IRAG2: variants seen among roughly 807,000 people sequenced by gnomAD.
IRAG2 encodes the protein inositol 1,4,5-triphosphate receptor associated 2.
Under a neutral mutation model 69.9 loss-of-function variants are expected in IRAG2, and 45 were observed. That is an observed-to-expected ratio of 0.64 (90% CI 0.51 to 0.83). The LOEUF (loss-of-function observed/expected upper bound fraction) is 0.83, where lower values mean the gene tolerates loss of function less well. Ranked by LOEUF, IRAG2 falls within the 40% of genes least tolerant of loss-of-function variation. The probability of loss-of-function intolerance (pLI) is 0.00; values close to 1 mark genes in which losing one functional copy is unlikely to be tolerated. For missense variants in IRAG2, 520 were observed against 587.0 expected, an observed-to-expected ratio of 0.89 and a Z score of 1.18; for synonymous variants, 193 against 202.4, an observed-to-expected ratio of 0.95 and a Z score of 0.40.
chr12:25,004,615 A>G, exon 1 of IRAG2: 1 of 1,232,094 alleles, frequency 8.1e-7, no homozygotes, highest in Non-Finnish European at 1.0e-6. Context: ...GCCTCAAATA[A>G]TATCTCCAAG....
intron 6 of IRAG2, among the ~76,000 whole-genome samples, chr12:25,072,598 G>A (rs1946409128): frequency 1.3e-5 from 2 of 152,162 alleles, no homozygotes; most frequent in South Asian, 4.1e-4. Flanking sequence ...TAAAATATAA[G>A]ATATAAATTA....
chr12:25,102,419 G>A, intron 17 of IRAG2, 178 bp downstream of exon 17: 1 of 589,836 alleles, frequency 1.7e-6, no homozygotes, highest in Non-Finnish European at 3.0e-6. Context: ...TATCAATTAA[G>A]TGTGCCTGGC....
At chr12:25,082,536 G>A (rs562171961) in intron 9 of IRAG2, among the ~76,000 whole-genome samples, 1 of 151,800 alleles carries the variant, frequency 6.6e-6, no homozygotes, top group East Asian at 1.9e-4. Context: ...GGAGGCGGAG[G>A]TTGCAGTGAG....
chr12:25,040,505 C>G (rs945667927), intron 16 of IRAG2, among the ~76,000 whole-genome samples: 2 of 148,392 alleles, frequency 1.3e-5, no homozygotes, highest in African/African-American at 2.5e-5. Flanking sequence ...GACACTGCCT[C>G]TTAAAAAAAA....
upstream of IRAG2, among the ~76,000 whole-genome samples, chr12:25,001,298 T>A (rs2139809172): frequency 6.6e-6 from 1 of 151,514 alleles, no homozygotes; most frequent in African/African-American, 2.4e-5. Context: ...TAAAAAAAAA[T>A]GCTAAGTGTG....
intron 16 of IRAG2, among the ~76,000 whole-genome samples, chr12:25,040,807 C>T (rs1247971252): frequency 6.6e-6 from 1 of 152,184 alleles, no homozygotes; most frequent in Non-Finnish European, 1.5e-5. Context: ...GATGTCCGCT[C>T]TTTGCCTGGC....
At chr12:25,027,127 C>G (rs1944628422) in intron 9 of IRAG2, among the ~76,000 whole-genome samples, 1 of 151,598 alleles carries the variant, frequency 6.6e-6, no homozygotes, top group Admixed American at 6.6e-5. Context: ...TTAGTACGTT[C>G]ACAGAGTTGT....
chr12:25,100,359 A>T (rs183366400), intron 15 of IRAG2, among the ~76,000 whole-genome samples: 8 of 152,284 alleles, frequency 5.3e-5, no homozygotes, highest in Admixed American at 2.6e-4. Context: ...TAAACATAGA[A>T]TTACCATATG....
upstream of IRAG2, chr12:25,004,195 G>A (rs699036): frequency 0.37 from 188,044 of 509,000 alleles, 37,131 homozygotes; most frequent in African/African-American, 0.6. Flanking sequence ...GAGAAACTGA[G>A]CATCTTGTCA....
At chr12:25,075,966 T>C (rs2291801) in intron 6 of IRAG2, among the ~76,000 whole-genome samples, 48,736 of 151,980 alleles carry the variant, frequency 0.32, 8,402 homozygotes, top group East Asian at 0.66. Context: ...TAAATAGAGG[T>C]GGCTTTAGAA....
intron 16 of IRAG2, chr12:25,101,997 C>T (rs765666186): frequency 1.5e-6 from 1 of 685,582 alleles, no homozygotes; most frequent in African/African-American, 1.8e-5. Flanking sequence ...CACAGTGACA[C>T]AGAGGACTGT....
At chr12:25,063,069 A>G (rs1464807928) in intron 3 of IRAG2, among the ~76,000 whole-genome samples, 169 bp downstream of exon 3, 3 of 152,240 alleles carry the variant, frequency 2.0e-5, no homozygotes, top group African/African-American at 7.2e-5. Context: ...AAATGTACAC[A>G]TACACACACA....
intron 6 of IRAG2, among the ~76,000 whole-genome samples, chr12:25,077,242 A>T (rs11610366): frequency 0.069 from 6,044 of 87,138 alleles, 1,047 homozygotes; most frequent in South Asian, 0.1. Flanking sequence ...ATATATATGA[A>T]ATATATATAT....
upstream of IRAG2, chr12:25,052,450 A>C (rs545220735): frequency 5.8e-5 from 23 of 397,238 alleles, no homozygotes; most frequent in African/African-American, 1.6e-4. Context: ...AACAAACAAA[A>C]AAAAAAAGCA....
rs1170643932 is a variant in IRAG2, at chr12:25,075,548, GTGTGTGTGTA to G, written c.25-3688_25-3679del. Among the ~76,000 whole-genome samples, 298 of 147,318 alleles carry G rather than the reference GTGTGTGTGTA, an allele frequency of 2.0e-3. 2 individuals are homozygous for G. In the East Asian group the frequency reaches 0.026, roughly 13 times the overall value. ...TGTGTGTGTGTGTGTGTGTGTGTGT[GTGTGTGTGTA>G]TGTGTGTCTCCTGTGTTTGCTGACC... On this transcript the variant is annotated intron_variant, in intron 6 of 21. Coordinates refer to ENST00000556887, the MANE Select transcript of IRAG2 (RefSeq NM_001366544.2).
In IRAG2 at chr12:25,017,250, A is replaced by G. The variant is rs980957512; in HGVS notation, c.1172A>G (p.Gln391Arg). Residue 391 changes from glutamine to arginine, a missense_variant, in exon 6 of 39, where the codon CAG (glutamine) becomes CGG (arginine). Transcript: ENST00000636465. ...GAAACCCTGGAAGAAACTAACAGCC[A>G]GTTATCAGAGGACTGTACCGAATTG... The G allele has an allele frequency of 4.9e-6, 6 of 1,232,070 alleles. No individual in the cohort carries two copies. The African/African-American group carries it at 7.8e-5, about 16-fold the overall frequency. 76.3% of individuals were successfully genotyped at this position (1,232,070 alleles called of 1,614,324 possible). A position where few individuals can be genotyped will look rare whatever the true frequency, so the allele number is the denominator to read the frequency against.
intron 11 of IRAG2, among the ~76,000 whole-genome samples, chr12:25,088,890 TA>T (rs550845472): frequency 4.0e-4 from 61 of 152,270 alleles, no homozygotes; most frequent in African/African-American, 1.3e-3. Context: ...AAAGTTCTCA[TA>T]AAAGTTAGTT....
chr12:25,062,224 G>A (rs184444752), intron 2 of IRAG2, among the ~76,000 whole-genome samples: 174 of 152,246 alleles, frequency 1.1e-3, no homozygotes, highest in African/African-American at 3.9e-3. Context: ...GGAAGATGAT[G>A]GAGGAGGAAA....
chr12:25,053,269 A>G (rs2139889712), intron 1 of IRAG2, among the ~76,000 whole-genome samples: 1 of 151,190 alleles, frequency 6.6e-6, no homozygotes, highest in East Asian at 1.9e-4. Context: ...AAAATCTAGT[A>G]TGCATGGTAT....
Sources: gnomAD v4.1 joint callset for allele counts (sites outside exome capture counted in the v4.1 genomes callset) on GRCh38, gnomAD v4.1.1 for gene constraint, MANE v1.5 for transcripts, NCBI Gene and HGNC (gene_info 2026-07-23, HGNC 2026-07-21) for gene names.